Variants in PIEZO2 observed in about 807,000 individuals in gnomAD.
PIEZO2 encodes piezo type mechanosensitive ion channel component 2, also known as piezo-type mechanosensitive ion channel component 2.
A neutral mutation model predicts 337.3 loss-of-function variants in PIEZO2; 172 were observed. The observed-to-expected ratio is 0.51, with a 90% CI of 0.45 to 0.58. PIEZO2 has a LOEUF of 0.58. Among genes scored for constraint, PIEZO2 ranks in the 20% least tolerant of loss-of-function variants. The pLI, the probability that PIEZO2 is intolerant of heterozygous loss-of-function variation, is 0.00. For missense variants in PIEZO2, 3,028 were observed against 3,391.3 expected, an observed-to-expected ratio of 0.89 and a Z score of 2.66; for synonymous variants, 1,251 against 1,228.5, an observed-to-expected ratio of 1.02 and a Z score of -0.38.
rs1053807689 is a variant in PIEZO2 at position 11,066,203 on chromosome 18, A to G, written c.84T>C (p.Asn28=). ...AGATAAGGTAGACAAAGGAGAGCCCATTGTATCGGAATGCACATGCTGTGG... is the reference window on the plus strand; with the variant it reads ...AGATAAGGTAGACAAAGGAGAGCCCGTTGTATCGGAATGCACATGCTGTGG... ...CLAVACAFRY[N]GLSFVYLIYL... Residue 28 remains asparagine (N), a synonymous_variant, in exon 2 of 56, where the codon AAT becomes AAC. Coordinates refer to ENST00000674853, the MANE Select transcript of PIEZO2 (RefSeq NM_001378183.1). The G allele has an allele frequency of 7.9e-6, 12 of 1,525,716 alleles. No homozygotes were observed. Among genetic ancestry groups the G allele is most frequent in the East Asian group, 2.5e-5 (1 of 40,102 alleles). 94.5% of individuals were successfully genotyped at this position (1,525,716 alleles called of 1,614,324 possible). A position where few individuals can be genotyped will look rare whatever the true frequency, so the allele number is the denominator to read the frequency against.
At chr18:10,806,545 G>A (rs1216845853) in intron 8 of PIEZO2, among the ~76,000 whole-genome samples, 2 of 151,938 alleles carry the variant, frequency 1.3e-5, no homozygotes, top group African/African-American at 4.8e-5. Flanking sequence ...ATACTCAGGA[G>A]GCAACAGGCA....
intron 4 of PIEZO2, among the ~76,000 whole-genome samples, chr18:10,893,116 A>T (rs1191582052): frequency 6.6e-6 from 1 of 152,234 alleles, no homozygotes; most frequent in Non-Finnish European, 1.5e-5. Flanking sequence ...ATTCTGGGAA[A>T]TTATGTTTTA....
At chr18:10,964,116 G>GA (rs908926749) in intron 3 of PIEZO2, among the ~76,000 whole-genome samples, 10 of 151,880 alleles carry the variant, frequency 6.6e-5, no homozygotes, top group African/African-American at 1.2e-4. Context: ...GCCATTTGGG[G>GA]AAAAAAATCC....
rs2096943549 is a variant in PIEZO2, at chr18:10,742,731, G to C, written c.4515-116C>G. ...CTAAATTCGTGGACAAACTACTTTG[G>C]AATACTTGTGAATTGTAAAATGGTT... On this transcript the variant is annotated intron_variant, in intron 31 of 55. Transcript: ENST00000674853. 2.6e-5 allele frequency: 28 copies of C among 1,063,832 alleles called. No homozygotes were observed. The South Asian group carries it at 5.0e-4, about 19-fold the overall frequency. 65.9% of individuals were successfully genotyped at this position (1,063,832 alleles called of 1,614,324 possible). A position where few individuals can be genotyped will look rare whatever the true frequency, so the allele number is the denominator to read the frequency against.
chr18:10,963,159 T>G (rs945245941), intron 3 of PIEZO2, among the ~76,000 whole-genome samples: 7 of 151,944 alleles, frequency 4.6e-5, no homozygotes, highest in African/African-American at 1.7e-4. Flanking sequence ...GTGGCATGCT[T>G]CTGTAGTTCC....
At chr18:10,678,637 T>G (rs2034120790) in intron 52 of PIEZO2, among the ~76,000 whole-genome samples, 1 of 152,114 alleles carries the variant, frequency 6.6e-6, no homozygotes. Flanking sequence ...AATCAACTAG[T>G]GTATTATGTT....
chr18:10,728,008 A>G (rs2036610617), intron 36 of PIEZO2: 1 of 152,528 alleles, frequency 6.6e-6, no homozygotes. Flanking sequence ...ACATATAAAT[A>G]GCATGAATTG....
At chr18:10,906,892 C>T (rs1160461128) in intron 4 of PIEZO2, among the ~76,000 whole-genome samples, 1 of 151,964 alleles carries the variant, frequency 6.6e-6, no homozygotes, top group African/African-American at 2.4e-5. Context: ...TCTTTTGTCG[C>T]CTTCCTGAGC....
At position 11,048,306 on chromosome 18, in the gene PIEZO2, T is replaced by C. The variant is rs2037393381; in HGVS notation, c.160+17821A>G. On this transcript the variant is annotated intron_variant, in intron 2 of 55. Transcript: ENST00000674853. The surrounding 1 kb of genome is among the most constrained non-coding windows in gnomAD (Gnocchi z 4.5). Reference sequence around the variant, plus strand: ...AGGACAAAATGGTGACCCACAAGATTGAAAAGACCTGTCTTACGGTTACTC... The same window carrying C: ...AGGACAAAATGGTGACCCACAAGATCGAAAAGACCTGTCTTACGGTTACTC... Among the ~76,000 whole-genome samples the C allele has an allele frequency of 6.6e-6, 1 of 152,152 alleles. No individual in the cohort carries two copies. Among genetic ancestry groups the C allele is most frequent in the South Asian group, 2.1e-4 (1 of 4,828 alleles).
intron 1 of PIEZO2, among the ~76,000 whole-genome samples, chr18:11,086,603 T>C (rs3975417): frequency 0.16 from 24,704 of 152,152 alleles, 2,224 homozygotes; most frequent in African/African-American, 0.22. Flanking sequence ...GAAAACTGTA[T>C]TGTTATGAAA....
At position 10,872,581 on chromosome 18, in the gene PIEZO2, A is replaced by G. The variant is rs1568150996; in HGVS notation, c.330-1166T>C. ...CTTCTCACACCATTCAGCACACGAC[A>G]CGGGCCAGCCATGTCCCTCATCCGG... is the stretch of plus-strand genomic sequence containing the variant. On this transcript the variant is annotated intron_variant, in intron 4 of 55. Transcript: ENST00000674853. This position sits in a 1 kb window ranked among gnomAD's most constrained non-coding sequence, Gnocchi z 4.3. 6.6e-6 allele frequency among the ~76,000 whole-genome samples: 1 copy of G among 152,176 alleles called. No individual in the cohort carries two copies.
At chr18:11,046,872 T>C (rs1269402541) in intron 2 of PIEZO2, among the ~76,000 whole-genome samples, 4 of 152,142 alleles carry the variant, frequency 2.6e-5, no homozygotes, top group Non-Finnish European at 5.9e-5. Context: ...GAAGAGGAAA[T>C]GTACAGGGGC....
chr18:10,915,673 C>T (rs746802005), intron 3 of PIEZO2, among the ~76,000 whole-genome samples: 3 of 152,114 alleles, frequency 2.0e-5, no homozygotes, highest in Non-Finnish European at 4.4e-5. Flanking sequence ...AGTACTATTA[C>T]TACATCCCCT....
At chr18:10,692,703 C>G (rs2034904062) in intron 47 of PIEZO2, among the ~76,000 whole-genome samples, 2 of 152,348 alleles carry the variant, frequency 1.3e-5, no homozygotes, top group African/African-American at 2.4e-5. Flanking sequence ...TCTGGACTCT[C>G]TGTTCTGTTC....
At chr18:11,026,715 G>C (rs2145741300) in intron 2 of PIEZO2, among the ~76,000 whole-genome samples, 1 of 152,212 alleles carries the variant, frequency 6.6e-6, no homozygotes, top group South Asian at 2.1e-4. Context: ...ATTCCCAAGG[G>C]ACCAAATGCT....
At position 10,929,287 on chromosome 18, in the gene PIEZO2, G is replaced by A. The variant is rs143059646; in HGVS notation, c.287-18059C>T. 1.8e-3 allele frequency among the ~76,000 whole-genome samples: 272 copies of A among 152,270 alleles called. No individual in the cohort carries two copies. Among genetic ancestry groups the A allele is most frequent in the African/African-American group, 6.1e-3 (255 of 41,542 alleles). On this transcript the variant is annotated intron_variant, in intron 3 of 55. Transcript: ENST00000674853. The surrounding 1 kb of genome is among the most constrained non-coding windows in gnomAD (Gnocchi z 5.6). ...GTGTGAGCGAGCTGCAAACGTGCAC[G>A]CATCATATGAAGGTGTTATGCTGCT...
intron 4 of PIEZO2, among the ~76,000 whole-genome samples, chr18:10,897,539 T>C (rs1347603525): frequency 6.6e-6 from 1 of 152,068 alleles, no homozygotes; most frequent in African/African-American, 2.4e-5. Flanking sequence ...GCTCTCATTC[T>C]CTCTTGCCTG....
intron 36 of PIEZO2, among the ~76,000 whole-genome samples, chr18:10,729,869 T>C (rs2036696586): frequency 6.6e-6 from 1 of 152,220 alleles, no homozygotes; most frequent in Non-Finnish European, 1.5e-5. Context: ...TTGCAGTCTG[T>C]TGTTTTTCAC....
rs1004461447 is a variant in PIEZO2, at chr18:10,899,539, G to A, written c.329+11647C>T. Reference sequence around the variant, plus strand: ...GAAAAGGCATTTTATGGTGGTTAGAGATATCAGAGAGCTAATTTCAGACTT... The same window carrying A: ...GAAAAGGCATTTTATGGTGGTTAGAAATATCAGAGAGCTAATTTCAGACTT... On this transcript the variant is annotated intron_variant, in intron 4 of 55. Transcript: ENST00000674853. The surrounding 1 kb of genome is among the most constrained non-coding windows in gnomAD (Gnocchi z 4.6). 6.6e-6 allele frequency among the ~76,000 whole-genome samples: 1 copy of A among 152,134 alleles called. No individual in the cohort carries two copies. The highest frequency in any genetic ancestry group is 1.9e-4 in the East Asian group (1 of 5,182).
Sources: allele counts gnomAD v4.1 joint callset (sites outside exome capture counted in the v4.1 genomes callset), GRCh38; gene constraint gnomAD v4.1.1; non-coding constraint Gnocchi (gnomAD v3.1); transcripts MANE v1.5; gene names NCBI Gene and HGNC (gene_info 2026-07-23, HGNC 2026-07-21).